The following CCDC178 variants were observed in gnomAD, a reference collection of about 807,000 sequenced individuals.
The protein encoded by CCDC178 is coiled-coil domain-containing protein 178.
In CCDC178, 126 loss-of-function variants were observed where a neutral mutation model predicts 117.4. That is an observed-to-expected ratio of 1.07 (90% CI 0.93 to 1.24). The LOEUF is 1.24. Among genes scored for constraint, CCDC178 ranks in the 50% most tolerant of loss-of-function variants. The pLI is 0.00. For missense variants in CCDC178, 1,030 were observed against 986.9 expected, an observed-to-expected ratio of 1.04 and a Z score of -0.59; for synonymous variants, 283 against 313.4, an observed-to-expected ratio of 0.90 and a Z score of 1.02.
intron 3 of CCDC178, among the ~76,000 whole-genome samples, chr18:33,403,718 T>C (rs1488285126): frequency 6.6e-6 from 1 of 152,056 alleles, no homozygotes; most frequent in African/African-American, 2.4e-5. Flanking sequence ...AACTGGAGGG[T>C]CAGGCTAATG....
intron 7 of CCDC178, among the ~76,000 whole-genome samples, chr18:33,350,076 G>T: frequency 6.6e-6 from 1 of 151,800 alleles, no homozygotes; most frequent in South Asian, 2.1e-4. Flanking sequence ...TTGTTGAAAA[G>T]TATATTTTTT....
At chr18:33,239,230 C>A (rs754872914) in intron 15 of CCDC178, among the ~76,000 whole-genome samples, 1 of 151,848 alleles carries the variant, frequency 6.6e-6, no homozygotes, top group Non-Finnish European at 1.5e-5. Context: ...AAGAGTCAAA[C>A]CTTATTACTA....
intron 11 of CCDC178, among the ~76,000 whole-genome samples, chr18:33,298,070 T>A (rs1426155753): frequency 6.6e-6 from 1 of 151,744 alleles, no homozygotes; most frequent in African/African-American, 2.4e-5. Context: ...ACTTCAATTC[T>A]TCTAAAACTA....
intron 20 of CCDC178, among the ~76,000 whole-genome samples, chr18:33,119,420 A>T (rs2057904908): frequency 6.6e-6 from 1 of 152,256 alleles, no homozygotes; most frequent in African/African-American, 2.4e-5. Flanking sequence ...TGCAGCCAAC[A>T]GACACATGAA....
At chr18:33,065,286 T>C (rs888192117) in intron 21 of CCDC178, among the ~76,000 whole-genome samples, 3 of 152,170 alleles carry the variant, frequency 2.0e-5, no homozygotes, top group African/African-American at 4.8e-5. Flanking sequence ...CACGAGGTGA[T>C]GGTCACATTA....
intron 14 of CCDC178, among the ~76,000 whole-genome samples, chr18:33,248,163 G>C (rs551675744): frequency 3.6e-4 from 55 of 151,866 alleles, no homozygotes; most frequent in African/African-American, 1.3e-3. Flanking sequence ...TCAAATCTAA[G>C]CAAAAATAAA....
intron 20 of CCDC178, among the ~76,000 whole-genome samples, chr18:33,158,755 G>C (rs2144371508): frequency 6.6e-6 from 1 of 152,112 alleles, no homozygotes; most frequent in South Asian, 2.1e-4. Context: ...TGTATGTTAT[G>C]ACAAGCCAAT....
At chr18:33,064,714 T>C (rs1044263474) in intron 21 of CCDC178, among the ~76,000 whole-genome samples, 3 of 152,194 alleles carry the variant, frequency 2.0e-5, no homozygotes, top group Non-Finnish European at 4.4e-5. Context: ...CAATACTCCA[T>C]ATATATCTAA....
intron 20 of CCDC178, among the ~76,000 whole-genome samples, chr18:33,117,336 A>T (rs1360773117): frequency 3.3e-5 from 5 of 152,074 alleles, no homozygotes; most frequent in Non-Finnish European, 5.9e-5. Context: ...TATGGCAATT[A>T]ATGGGATGGA....
chr18:33,140,332 T>A (rs559829203), intron 20 of CCDC178, among the ~76,000 whole-genome samples: 1 of 152,016 alleles, frequency 6.6e-6, no homozygotes, highest in African/African-American at 2.4e-5. Context: ...GAATTATAGA[T>A]CCACCAACAG....
intron 2 of CCDC178, among the ~76,000 whole-genome samples, chr18:33,413,870 C>A (rs1018368844): frequency 3.3e-5 from 5 of 152,114 alleles, no homozygotes; most frequent in African/African-American, 1.2e-4. Flanking sequence ...TTTCAAGAAA[C>A]AGAATGAAAC....
intron 5 of CCDC178, among the ~76,000 whole-genome samples, chr18:33,379,212 C>CAT (rs781501071): frequency 4.2e-4 from 57 of 134,666 alleles, no homozygotes; most frequent in East Asian, 1.7e-3. Context: ...TATATATTTC[C>CAT]ATATATATAT....
intron 21 of CCDC178, among the ~76,000 whole-genome samples, chr18:33,053,619 G>A (rs969129513): frequency 2.6e-5 from 4 of 152,128 alleles, no homozygotes; most frequent in South Asian, 2.1e-4. Flanking sequence ...TATATTAGAT[G>A]TCAATAGAGA....
intron 11 of CCDC178, among the ~76,000 whole-genome samples, chr18:33,307,037 C>A (rs2062265766): frequency 6.6e-6 from 1 of 152,112 alleles, no homozygotes; most frequent in Non-Finnish European, 1.5e-5. Flanking sequence ...ACATCTCTTT[C>A]CTTTATAAAT....
chr18:33,187,853 A>C (rs142299241), intron 20 of CCDC178, among the ~76,000 whole-genome samples: 98 of 152,242 alleles, frequency 6.4e-4, no homozygotes, highest in Middle Eastern at 3.4e-3. Context: ...TTGGTATGTG[A>C]AAGAAGGTAG....
chr18:33,136,782 A>T (rs1032584319), intron 20 of CCDC178, among the ~76,000 whole-genome samples: 1 of 152,216 alleles, frequency 6.6e-6, no homozygotes, highest in Non-Finnish European at 1.5e-5. Context: ...ATATTATTGA[A>T]GAACATTTTT....
intron 14 of CCDC178, among the ~76,000 whole-genome samples, chr18:33,249,528 CT>C (rs2059591889): frequency 6.6e-6 from 1 of 152,018 alleles, no homozygotes; most frequent in Non-Finnish European, 1.5e-5. Flanking sequence ...ATAGGGAATC[CT>C]TTCCCCATTG....
intron 3 of CCDC178, among the ~76,000 whole-genome samples, chr18:33,408,904 A>G (rs1260849242): frequency 6.6e-6 from 1 of 152,176 alleles, no homozygotes; most frequent in Non-Finnish European, 1.5e-5. Context: ...AGGTCCTGTT[A>G]ATTGCAATAA....
rs770873160 is a variant in CCDC178 at position 33,333,159 on chromosome 18, C to G, written c.879+15G>C. ...AGTAATAATTTATGAAATGCTCATGCATTCGTTTATTTACCTCCATTTTTT... is the reference window on the plus strand; with the variant it reads ...AGTAATAATTTATGAAATGCTCATGGATTCGTTTATTTACCTCCATTTTTT... On this transcript the variant is annotated intron_variant, in intron 10 of 22. Transcript: ENST00000383096. 5 of 1,434,848 alleles carry G rather than the reference C, an allele frequency of 3.5e-6. No homozygotes were observed. The South Asian group carries it at 3.7e-5, about 11-fold the overall frequency. The allele number at this position is 1,434,848 out of a possible 1,614,324, so 88.9% of individuals were successfully genotyped here.
Sources: allele counts gnomAD v4.1 joint callset (sites outside exome capture counted in the v4.1 genomes callset), GRCh38; gene constraint gnomAD v4.1.1; transcripts MANE v1.5; gene names NCBI Gene and HGNC (gene_info 2026-07-23, HGNC 2026-07-21).